The following TIAM2 variants were observed in gnomAD, a reference collection of about 807,000 sequenced individuals.
TIAM2 encodes the protein TIAM Rac1 associated GEF 2, also known as rho guanine nucleotide exchange factor TIAM2.
In TIAM2, 80 loss-of-function variants were observed where a neutral mutation model predicts 152.9. The observed-to-expected ratio is 0.52, with a 90% confidence interval of 0.44 to 0.63. The LOEUF (loss-of-function observed/expected upper bound fraction) is 0.63. Among genes scored for constraint, TIAM2 ranks in the 30% least tolerant of loss-of-function variants. TIAM2 has a pLI of 0.00. For missense variants in TIAM2, 1,965 were observed against 2,120.1 expected, an observed-to-expected ratio of 0.93 and a Z score of 1.44; for synonymous variants, 804 against 838.0, an observed-to-expected ratio of 0.96 and a Z score of 0.70.
chr6:155,094,763 T>G (rs1459875866), intron 2 of TIAM2, among the ~76,000 whole-genome samples: 1 of 151,374 alleles, frequency 6.6e-6, no homozygotes, highest in African/African-American at 2.4e-5. Flanking sequence ...TGTTTTTTTT[T>G]GTAGAGATGA....
chr6:155,045,865 T>TTTTG (rs1290564968), intron 1 of TIAM2, among the ~76,000 whole-genome samples: 1 of 121,280 alleles, frequency 8.2e-6, no homozygotes, highest in Admixed American at 8.2e-5. Flanking sequence ...TTTTTTTGGT[T>TTTTG]TTTGTTTGTT....
At chr6:155,089,158 A>T (rs112860627) in intron 1 of TIAM2, among the ~76,000 whole-genome samples, 49 of 149,992 alleles carry the variant, frequency 3.3e-4, no homozygotes, top group African/African-American at 1.1e-3. Flanking sequence ...CATATCAAAT[A>T]CAGGAAGAAA....
In TIAM2 at chr6:155,028,864, ACTATCTATACTATGTT is replaced by A. The variant is rs1562294665; in HGVS notation, c.-209+33373_-209+33388del. ...ACTATGTTATATATACACTGTATATACTATCTATACTATGTTATATATACACTGTATATACTATCTA... is the reference window on the plus strand; with the variant it reads ...ACTATGTTATATATACACTGTATATAATATATACACTGTATATACTATCTA... On this transcript the variant is annotated intron_variant, in intron 1 of 26. Coordinates refer to ENST00000682666, the MANE Select transcript of TIAM2 (RefSeq NM_012454.4). 4.0e-4 allele frequency among the ~76,000 whole-genome samples: 50 copies of A among 125,092 alleles called. 11 individuals are homozygous for A. The highest frequency in any genetic ancestry group is 0.022 in the Middle Eastern group (2 of 90). 82.1% of individuals were successfully genotyped at this position (125,092 alleles called of 152,430 possible).
chr6:155,093,379 C>T (rs2114982980), intron 2 of TIAM2, among the ~76,000 whole-genome samples: 1 of 152,218 alleles, frequency 6.6e-6, no homozygotes, highest in South Asian at 2.1e-4. Context: ...AAGGTGATTG[C>T]CATTGGGGAA....
At chr6:155,252,927 T>C in intron 23 of TIAM2, 21 bp from the exon 24 acceptor site, 1 of 1,604,464 alleles carries the variant, frequency 6.2e-7, no homozygotes, top group Non-Finnish European at 8.5e-7. Context: ...ACACTTTTCT[T>C]GGTGGGCCTT....
Position 155,240,549 on chromosome 6 carries a change from C to T in TIAM2, c.3188C>T (p.Ala1063Val). 2 of 1,613,748 alleles carry T rather than the reference C, an allele frequency of 1.2e-6. No individual in the cohort carries two copies. The highest frequency in any genetic ancestry group is 2.2e-5 in the South Asian group (2 of 91,070). ...QTFRSAEQITALCRSFNDSQA... is the reference protein window; with the variant it reads ...QTFRSAEQITVLCRSFNDSQA... ...TCTCAGAGTGCTGAGCAGATCACTG[C>T]ACTGTGCAGGAGTTTTAACGACAGT... The change falls in exon 16 of 27, where the codon GCA (alanine) becomes GTA (valine). Residue 1063 changes from alanine (A) to valine (V), a missense_variant. Coordinates refer to ENST00000682666, the MANE Select transcript of TIAM2 (RefSeq NM_012454.4).
chr6:155,130,333 T>C lies in TIAM2; in HGVS notation c.1110T>C (p.Thr370=). 1.2e-6 allele frequency: 2 copies of C among 1,614,066 alleles called. No homozygotes were observed. The highest frequency in any genetic ancestry group is 1.7e-6 in the Non-Finnish European group (2 of 1,180,032). Residue 370 remains threonine (T), a synonymous_variant, in exon 4 of 27, where the codon ACT becomes ACC. Coordinates refer to ENST00000682666, the MANE Select transcript of TIAM2 (RefSeq NM_012454.4). ...CRKPKAFVED[T]AKKDSLKARM... ...AGCCCAAAGCCTTTGTTGAGGATAC[T>C]GCGAAGAAGGACTCCCTCAAAGCCA...
intron 15 of TIAM2, among the ~76,000 whole-genome samples, chr6:155,233,707 G>A (rs1346276892): frequency 3.9e-5 from 6 of 152,088 alleles, no homozygotes; most frequent in Admixed American, 1.3e-4. Flanking sequence ...GGTGGCTCAC[G>A]CCTATAATCC....
chr6:155,098,925 C>T (rs760467374), intron 2 of TIAM2, among the ~76,000 whole-genome samples: 6 of 152,196 alleles, frequency 3.9e-5, no homozygotes, highest in Non-Finnish European at 5.9e-5. Flanking sequence ...CAGTGGCTCA[C>T]GCCTGTAATC....
chr6:155,225,924 G>A (rs901369307), intron 15 of TIAM2, among the ~76,000 whole-genome samples: 1 of 152,176 alleles, frequency 6.6e-6, no homozygotes, highest in Non-Finnish European at 1.5e-5. Flanking sequence ...CAGGGTATCT[G>A]TGCTCACTTT....
At chr6:155,252,071 T>G in intron 23 of TIAM2, 68 bp downstream of exon 23, 1 of 1,320,780 alleles carries the variant, frequency 7.6e-7, no homozygotes, top group Non-Finnish European at 1.1e-6. Flanking sequence ...AACGTTGAAC[T>G]GAAAAGCCCA....
intron 12 of TIAM2, among the ~76,000 whole-genome samples, chr6:155,181,303 T>C (rs1048236923): frequency 2.6e-5 from 4 of 152,174 alleles, no homozygotes; most frequent in Non-Finnish European, 5.9e-5. Flanking sequence ...TCTTATGTAT[T>C]TAGGGCAAGC....
chr6:155,214,059 G>A lies in TIAM2; in HGVS notation c.3168+2752G>A, dbSNP rs1781793426. On this transcript the variant is annotated intron_variant, in intron 15 of 26. Transcript: ENST00000682666. This position sits in a 1 kb window ranked among gnomAD's most constrained non-coding sequence, Gnocchi z 5.4. Reference sequence around the variant, plus strand: ...ACCCGGGAGGGCGGGGCTCCTTCCTGCTCCTGGCCCCCAAGAACACAGGGA... The same window carrying A: ...ACCCGGGAGGGCGGGGCTCCTTCCTACTCCTGGCCCCCAAGAACACAGGGA... 6.6e-6 allele frequency among the ~76,000 whole-genome samples: 1 copy of A among 152,186 alleles called. No individual in the cohort carries two copies. Among genetic ancestry groups the A allele is most frequent in the Non-Finnish European group, 1.5e-5 (1 of 68,026 alleles).
In TIAM2 at chr6:155,174,313, GA is replaced by G. The variant is rs1328654260; in HGVS notation, c.2362-2502del. On this transcript the variant is annotated intron_variant, in intron 9 of 26. Coordinates refer to ENST00000682666, the MANE Select transcript of TIAM2 (RefSeq NM_012454.4). This position sits in a 1 kb window ranked among gnomAD's most constrained non-coding sequence, Gnocchi z 4.2. ...GTGCCTTCCTGAGAGGGCTGGCTGTGAGTGGTGAGTGAACTGATGGCACATC... is the reference window on the plus strand; with the variant it reads ...GTGCCTTCCTGAGAGGGCTGGCTGTGGTGGTGAGTGAACTGATGGCACATC... Among the ~76,000 whole-genome samples the G allele has an allele frequency of 4.6e-5, 7 of 151,936 alleles. No individual in the cohort carries two copies. The highest frequency in any genetic ancestry group is 1.3e-4 in the Admixed American group (2 of 15,264).
chr6:155,061,348 C>T (rs898681779), intron 1 of TIAM2, among the ~76,000 whole-genome samples: 1 of 149,506 alleles, frequency 6.7e-6, no homozygotes, highest in African/African-American at 2.6e-5. Flanking sequence ...TCTAGATACA[C>T]ACATGTATCT....
Position 155,218,147 on chromosome 6 carries a change from TAAACCGTAGTCTTTCTC to T in TIAM2, c.3168+6841_3168+6857del, listed in dbSNP as rs1440728087. On this transcript the variant is annotated intron_variant, in intron 15 of 26. Transcript: ENST00000682666. This position sits in a 1 kb window ranked among gnomAD's most constrained non-coding sequence, Gnocchi z 4.5. ...GTCAAGCTAAAAGATAACTTATTTA[TAAACCGTAGTCTTTCTC>T]CATGGTTGCTATTCAATAGATGAAT... Among the ~76,000 whole-genome samples, 1 of 152,268 alleles carries T rather than the reference TAAACCGTAGTCTTTCTC, an allele frequency of 6.6e-6. No individual in the cohort carries two copies. The highest frequency in any genetic ancestry group is 2.4e-5 in the African/African-American group (1 of 41,472).
intron 14 of TIAM2, 41 bp from the exon 15 acceptor site, chr6:155,211,163 A>C: frequency 6.3e-7 from 1 of 1,584,422 alleles, no homozygotes; most frequent in Non-Finnish European, 8.6e-7. Context: ...ATTCTCTGCA[A>C]ATGGCCAAAC....
intron 15 of TIAM2, among the ~76,000 whole-genome samples, chr6:155,234,989 CGG>C (rs1782676545): frequency 2.6e-5 from 4 of 151,544 alleles, no homozygotes; most frequent in Non-Finnish European, 5.9e-5. Flanking sequence ...GAGCTAGAGA[CGG>C]AGCACAGCTA....
intron 1 of TIAM2, among the ~76,000 whole-genome samples, chr6:155,073,256 G>A (rs543147751): frequency 6.9e-6 from 1 of 145,572 alleles, no homozygotes; most frequent in African/African-American, 2.6e-5. Flanking sequence ...TCCACCTCCC[G>A]GGTTCAAGCG....
Sources: allele counts gnomAD v4.1 joint callset (sites outside exome capture counted in the v4.1 genomes callset), GRCh38; gene constraint gnomAD v4.1.1; non-coding constraint Gnocchi (gnomAD v3.1); transcripts MANE v1.5; gene names NCBI Gene and HGNC (gene_info 2026-07-23, HGNC 2026-07-21).